Variants in ZBTB11 observed in about 807,000 individuals in gnomAD.
The protein encoded by ZBTB11 is zinc finger and BTB domain-containing protein 11.
Under a neutral mutation model 113.1 loss-of-function variants are expected in ZBTB11, and 68 were observed. That is an observed-to-expected ratio of 0.60 (90% CI 0.49 to 0.74). The LOEUF (loss-of-function observed/expected upper bound fraction) is 0.74. Ranked by LOEUF, ZBTB11 falls within the 30% of genes least tolerant of loss-of-function variation. The probability of loss-of-function intolerance (pLI) is 0.00; values close to 1 mark genes in which losing one functional copy is unlikely to be tolerated. For synonymous variants in ZBTB11, 518 were observed against 452.6 expected, an observed-to-expected ratio of 1.14 and a Z score of -1.83; for missense variants, 1,104 against 1,279.4, an observed-to-expected ratio of 0.86 and a Z score of 2.09.
In ZBTB11 at chr3:101,649,136, C is replaced by G. The variant is rs1170351685; in HGVS notation, c.*2030G>C. 6.6e-6 allele frequency: 1 copy of G among 152,178 alleles called. No individual in the cohort carries two copies. Among genetic ancestry groups the G allele is most frequent in the Non-Finnish European group, 1.5e-5 (1 of 68,070 alleles). 9.4% of individuals were successfully genotyped at this position (152,178 alleles called of 1,614,324 possible). On this transcript the variant is annotated 3_prime_UTR_variant, in exon 11 of 11. Coordinates refer to ENST00000312938, the MANE Select transcript of ZBTB11 (RefSeq NM_014415.4). ...CTGGGGTTTAGGGTTTATATGGATACAGGATAGGAGGGCGTGGTGGGCCAA... is the reference window on the plus strand; with the variant it reads ...CTGGGGTTTAGGGTTTATATGGATAGAGGATAGGAGGGCGTGGTGGGCCAA...
Position 101,656,128 on chromosome 3 carries a change from G to T in ZBTB11, c.2167C>A (p.Gln723Lys). 1.9e-6 allele frequency: 3 copies of T among 1,588,100 alleles called. No homozygotes were observed. The highest frequency in any genetic ancestry group is 2.6e-6 in the Non-Finnish European group (3 of 1,169,324). ...CCTGTGTGAATACTCATATGTTCTT[G>T]AAGACTCCGTTTGGTAACAAATGAC... Reference protein sequence around the residue: ...VKSFVTKRSLQEHMSIHTGES... With the variant: ...VKSFVTKRSLKEHMSIHTGES... Residue 723 changes from glutamine to lysine, a missense_variant, in exon 7 of 11, where the codon CAA becomes AAA. Gln to Lys is a moderately conservative substitution (Grantham distance 53). Transcript: ENST00000312938.
chr3:101,656,112 AT>A lies in ZBTB11; in HGVS notation c.2182del (p.Ile728PhefsTer58). The A allele has an allele frequency of 6.4e-7, 1 of 1,556,736 alleles. No homozygotes were observed. Among genetic ancestry groups the A allele is most frequent in the African/African-American group, 1.4e-5 (1 of 71,926 alleles). Reference sequence around the variant, plus strand: ...TATAAATTTCTCATTACCTGTGTGAATACTCATATGTTCTTGAAGACTCCGT... The same window carrying A: ...TATAAATTTCTCATTACCTGTGTGAAACTCATATGTTCTTGAAGACTCCGT... ...TKRSLQEHMS[I>X]HTGESKYLCS... On this transcript the variant is annotated frameshift_variant, in exon 7 of 11. Transcript: ENST00000312938. LOFTEE classifies it high-confidence loss of function.
chr3:101,662,258 C>T (rs1055515516), intron 5 of ZBTB11: 1 of 152,154 alleles, frequency 6.6e-6, no homozygotes, highest in African/African-American at 2.4e-5. Flanking sequence ...CCTCCCATCT[C>T]TGCCTCTCGA....
intron 5 of ZBTB11, among the ~76,000 whole-genome samples, chr3:101,661,486 CCAT>C (rs1248009112): frequency 6.6e-6 from 1 of 152,126 alleles, no homozygotes; most frequent in Non-Finnish European, 1.5e-5. Context: ...TCTTATTCTA[CCAT>C]CATAAATAAT....
intron 3 of ZBTB11, chr3:101,670,801 A>G (rs77324685): frequency 4.3e-6 from 1 of 233,656 alleles, no homozygotes; most frequent in African/African-American, 2.3e-5. Context: ...TAGCTTAAAC[A>G]ATCAATTTTT....
chr3:101,675,796 CAG>C (rs1160226058), intron 1 of ZBTB11, among the ~76,000 whole-genome samples: 1 of 152,142 alleles, frequency 6.6e-6, no homozygotes, highest in Non-Finnish European at 1.5e-5. Context: ...TTAAAACATT[CAG>C]AGTTACGAAT....
Position 101,676,800 on chromosome 3 carries a change from A to T in ZBTB11, c.115T>A (p.Cys39Ser), listed in dbSNP as rs1359127946. The change falls in exon 1 of 11, where the codon TGC (cysteine) becomes AGC (serine). Residue 39 changes from cysteine (C) to serine (S), a missense_variant. Around this residue, in one of 5 missense-constraint regions of ZBTB11, gnomAD observed 245 missense variants for 272.5 expected, o/e 0.90. Transcript: ENST00000312938. ...AGAGTCCCGCCGCGCACCACGTAGC[A>T]GGCGGCAGCTTTTCGGATTTTACGC... is the stretch of plus-strand genomic sequence containing the variant. ...VKRKIRKAAA[C>S]YVVRGGTLYY... 1 of 1,612,120 alleles carries T rather than the reference A, an allele frequency of 6.2e-7. No individual in the cohort carries two copies. The highest frequency in any genetic ancestry group is 8.5e-7 in the Non-Finnish European group (1 of 1,179,570).
At position 101,671,327 on chromosome 3, in the gene ZBTB11, G is replaced by A. The variant is rs757696454; in HGVS notation, c.581C>T (p.Pro194Leu). 1 of 1,614,096 alleles carries A rather than the reference G, an allele frequency of 6.2e-7. No homozygotes were observed. Among genetic ancestry groups the A allele is most frequent in the South Asian group, 1.1e-5 (1 of 91,078 alleles). The change falls in exon 3 of 11, where the codon CCA becomes CTA. Residue 194 changes from proline (P) to leucine (L), a missense_variant. Transcript: ENST00000312938. ...TTTTAAGACAGCCTGACAATGTTTT[G>A]GAGAAGAACGTTTTACCACTCCTTT... ...DTKGVVKRSS[P>L]KHCQAVLKQL...
intron 3 of ZBTB11, among the ~76,000 whole-genome samples, chr3:101,667,665 T>C (rs1937019112): frequency 6.6e-6 from 1 of 152,182 alleles, no homozygotes. Flanking sequence ...CTAATTCTTT[T>C]TTTTTGTTTG....
At position 101,671,951 on chromosome 3, in the gene ZBTB11, T is replaced by G. The variant is rs112382360; in HGVS notation, c.546+27A>C. 6.2e-4 allele frequency: 973 copies of G among 1,575,448 alleles called. 1 individual carries two copies. The highest frequency in any genetic ancestry group is 5.9e-3 in the African/African-American group (440 of 74,240). ...ATACTAGTACACTAGTTACAAATCT[T>G]AAAGCTGACTGGAGAGTACCACTTA... is the stretch of plus-strand genomic sequence containing the variant. On this transcript the variant is annotated intron_variant, in intron 2 of 10. Coordinates refer to ENST00000312938, the MANE Select transcript of ZBTB11 (RefSeq NM_014415.4).
chr3:101,672,917 G>A (rs1323193540), intron 1 of ZBTB11, among the ~76,000 whole-genome samples: 2 of 152,200 alleles, frequency 1.3e-5, no homozygotes, highest in Non-Finnish European at 2.9e-5. Flanking sequence ...CAATGTCCCA[G>A]AGGGATGTTG....
chr3:101,672,439 ATTTG>A (rs1191440984), intron 1 of ZBTB11, among the ~76,000 whole-genome samples: 4 of 152,150 alleles, frequency 2.6e-5, no homozygotes, highest in Non-Finnish European at 5.9e-5. Flanking sequence ...ATTCCCAGTT[ATTTG>A]TTTCTCTAAT....
At chr3:101,665,936 A>G in intron 3 of ZBTB11, 128 bp from the exon 4 acceptor site, 1 of 986,568 alleles carries the variant, frequency 1.0e-6, no homozygotes, top group Non-Finnish European at 1.5e-6. Context: ...TCATCCCTGG[A>G]TTTGCATTTT....
At position 101,659,792 on chromosome 3, in the gene ZBTB11, A is replaced by G. The variant is rs1475765451; in HGVS notation, c.2037T>C (p.His679=). 1 of 1,614,102 alleles carries G rather than the reference A, an allele frequency of 6.2e-7. No homozygotes were observed. Among genetic ancestry groups the G allele is most frequent in the Non-Finnish European group, 8.5e-7 (1 of 1,179,922 alleles). Residue 679 remains histidine, a synonymous_variant, in exon 6 of 11, where the codon CAT becomes CAC. Coordinates refer to ENST00000312938, the MANE Select transcript of ZBTB11 (RefSeq NM_014415.4). ...AACGTTATAGCTTTACCTGGCATGC[A>G]TGTGGCTTTACACCTGTGTGCTTTA... The part of the protein sequence containing the change: ...HMLKHTGVKP[H]ACQVCGKTFI...
At chr3:101,656,684 T>C (rs975181019) in intron 6 of ZBTB11, among the ~76,000 whole-genome samples, 1 of 152,176 alleles carries the variant, frequency 6.6e-6, no homozygotes, top group Non-Finnish European at 1.5e-5. Flanking sequence ...GAAATTTTTG[T>C]TAAACACAAA....
intron 3 of ZBTB11, among the ~76,000 whole-genome samples, chr3:101,669,695 C>T (rs752446391): frequency 2.0e-4 from 31 of 152,182 alleles, no homozygotes; most frequent in Non-Finnish European, 3.2e-4. Context: ...AAAAATACCA[C>T]TAATCTAGAA....
At position 101,669,816 on chromosome 3, in the gene ZBTB11, G is replaced by C. The variant is rs923947003; in HGVS notation, c.778+1314C>G. Among the ~76,000 whole-genome samples the C allele has an allele frequency of 2.7e-5, 4 of 150,354 alleles. No homozygotes were observed. In the East Asian group the frequency reaches 5.8e-4, roughly 22 times the overall value. The stretch of plus-strand genomic sequence containing the variant: ...CTTAATAAATATTTATTTATATAGA[G>C]AAAGCTATTAGTGCTTTTTTTTTTT... On this transcript the variant is annotated intron_variant, in intron 3 of 10. Coordinates refer to ENST00000312938, the MANE Select transcript of ZBTB11 (RefSeq NM_014415.4).
chr3:101,665,485 T>G lies in ZBTB11; in HGVS notation c.1102A>C (p.Asn368His). 1 of 1,614,194 alleles carries G rather than the reference T, an allele frequency of 6.2e-7. No individual in the cohort carries two copies. ...TGCTCAGCTTCTGGCAATTCTCCAT[T>G]TACCAGTAGTACAATTTCACAATCC... The part of the protein sequence containing the change: ...LGDCEIVLLV[N>H]GELPEAEQNG... The change falls in exon 4 of 11, where the codon AAT becomes CAT. Residue 368 changes from asparagine (N) to histidine (H), a missense_variant. Around this residue, in one of 5 missense-constraint regions of ZBTB11, gnomAD observed 535 missense variants for 518.6 expected, o/e 1.03. Transcript: ENST00000312938.
intron 6 of ZBTB11, among the ~76,000 whole-genome samples, chr3:101,659,434 G>C (rs910447851): frequency 6.6e-6 from 1 of 152,008 alleles, no homozygotes; most frequent in Non-Finnish European, 1.5e-5. Flanking sequence ...GGACTTTTAC[G>C]GACCACAGAG....
Sources: allele counts gnomAD v4.1 joint callset (sites outside exome capture counted in the v4.1 genomes callset), GRCh38; gene constraint gnomAD v4.1.1; regional missense constraint gnomAD v4.1.1; transcripts MANE v1.5; gene names NCBI Gene and HGNC (gene_info 2026-07-23, HGNC 2026-07-21).